The following DIAPH2 variants were observed in gnomAD, a reference collection of about 807,000 sequenced individuals.
DIAPH2 encodes the protein diaphanous related formin 2.
Under a neutral mutation model 92.7 loss-of-function variants are expected in DIAPH2, and 35 were observed. The ratio of observed to expected loss-of-function variants is 0.38; its 90% CI spans 0.29 to 0.50. DIAPH2 has a LOEUF of 0.50. DIAPH2 is among the 20% of genes least tolerant of loss of function. DIAPH2 has a pLI of 0.94. For synonymous variants in DIAPH2, 301 were observed against 280.4 expected (o/e 1.07, Z -0.73); for missense variants, 701 against 819.5 (o/e 0.86, Z 1.77).
intron 19 of DIAPH2, among the ~76,000 whole-genome samples, chrX:97,083,836 T>C (rs1458776784): frequency 8.9e-6 from 1 of 112,094 alleles, no homozygotes; most frequent in African/African-American, 3.2e-5. Context: ...AATGATACCA[T>C]ACATTTACAA....
At chrX:96,733,430 G>A (rs1189519749) in intron 1 of DIAPH2, among the ~76,000 whole-genome samples, 1 of 111,042 alleles carries the variant, frequency 9.0e-6, no homozygotes, top group Non-Finnish European at 1.9e-5. Context: ...TTGCCTCATT[G>A]GGGAGCCGTG....
In DIAPH2 at chrX:97,426,357, C is replaced by T. The variant is rs187533907; in HGVS notation, c.3146-3293C>T. The stretch of plus-strand genomic sequence containing the variant: ...TGGATGGAGTGCAGTGGCGTGATCT[C>T]GGCTCACCACAACCTCCACCTCCCA... On this transcript the variant is annotated intron_variant, in intron 25 of 26. Transcript: ENST00000324765. Among the ~76,000 whole-genome samples the T allele has an allele frequency of 2.9e-3, 316 of 108,235 alleles. 1 individual carries two copies. Among genetic ancestry groups the T allele is most frequent in the African/African-American group, 8.6e-3 (255 of 29,645 alleles). 94.0% of individuals were successfully genotyped at this position (108,235 alleles called of 115,157 possible).
chrX:97,214,355 C>T (rs1445038393), intron 22 of DIAPH2, among the ~76,000 whole-genome samples: 1 of 110,957 alleles, frequency 9.0e-6, no homozygotes, highest in Non-Finnish European at 1.9e-5. Flanking sequence ...TCTACTCCCA[C>T]CTACTCAGGA....
intron 5 of DIAPH2, among the ~76,000 whole-genome samples, chrX:96,896,513 C>A (rs1054404877): frequency 2.7e-5 from 3 of 111,591 alleles, no homozygotes; most frequent in African/African-American, 9.7e-5. Context: ...ATTTCACAAC[C>A]AGAAAAGCTA....
intron 4 of DIAPH2, among the ~76,000 whole-genome samples, chrX:96,851,927 G>A (rs2065008538): frequency 8.9e-6 from 1 of 111,984 alleles, no homozygotes; most frequent in African/African-American, 3.2e-5. Flanking sequence ...TATATTGTAA[G>A]AATTCCACTG....
chrX:97,108,012 C>T (rs1007221121), intron 20 of DIAPH2, among the ~76,000 whole-genome samples: 5 of 109,554 alleles, frequency 4.6e-5, no homozygotes, highest in Middle Eastern at 4.7e-3. Context: ...TTTCCTTTCT[C>T]GGTGGATTCG....
At chrX:97,228,923 C>A (rs2067986804) in intron 22 of DIAPH2, among the ~76,000 whole-genome samples, 1 of 111,591 alleles carries the variant, frequency 9.0e-6, no homozygotes, top group Admixed American at 9.6e-5. Context: ...ATAACCCATG[C>A]CACAGAGAGA....
chrX:97,096,618 A>G (rs971931433), intron 19 of DIAPH2, among the ~76,000 whole-genome samples: 2 of 111,377 alleles, frequency 1.8e-5, no homozygotes, highest in African/African-American at 6.5e-5. Context: ...GAAGCCTTCT[A>G]GGTGCCAAGG....
chrX:97,313,587 T>A (rs1254106988), intron 23 of DIAPH2, among the ~76,000 whole-genome samples: 9 of 111,747 alleles, frequency 8.1e-5, no homozygotes, highest in Non-Finnish European at 1.3e-4. Context: ...ATTGTCTTTA[T>A]GTTCTGTGAT....
intron 4 of DIAPH2, among the ~76,000 whole-genome samples, chrX:96,850,999 A>G (rs1052392375): frequency 2.7e-5 from 3 of 112,047 alleles, no homozygotes; most frequent in Non-Finnish European, 5.6e-5. Context: ...AGTGAGGTAC[A>G]ATGATAATTG....
chrX:96,981,487 TCAAAA>T (rs1319820725), intron 17 of DIAPH2, among the ~76,000 whole-genome samples: 1 of 112,336 alleles, frequency 8.9e-6, no homozygotes, highest in Non-Finnish European at 1.9e-5. Flanking sequence ...TATCACAGAT[TCAAAA>T]CAAACTGACA....
chrX:97,127,593 G>A lies in DIAPH2; in HGVS notation c.2589+12628G>A, dbSNP rs188736036. ...TCTTAAAGCATCTTCTTAGGACTTT[G>A]TTTGTTGTATTGTTATTTTGTTAGA... On this transcript the variant is annotated intron_variant, in intron 21 of 26. Transcript: ENST00000324765. Among the ~76,000 whole-genome samples, 94 of 112,604 alleles carry A rather than the reference G, an allele frequency of 8.3e-4. 1 individual carries two copies. The highest frequency in any genetic ancestry group is 2.2e-3 in the African/African-American group (69 of 31,063).
chrX:97,262,658 C>T (rs978638693), intron 23 of DIAPH2, among the ~76,000 whole-genome samples: 3 of 111,438 alleles, frequency 2.7e-5, no homozygotes, highest in African/African-American at 9.8e-5. Context: ...AAGTTTGAGA[C>T]GCCTATTAGG....
intron 17 of DIAPH2, among the ~76,000 whole-genome samples, chrX:97,025,686 CAAAA>C (rs926927909): frequency 9.2e-6 from 1 of 109,149 alleles, no homozygotes; most frequent in African/African-American, 3.3e-5. Context: ...AACAAAAAAA[CAAAA>C]AAAAAGTTAC....
Position 97,072,996 on chromosome X carries a change from A to G in DIAPH2, c.2106A>G (p.Lys702=), listed in dbSNP as rs746653304. The change falls in exon 18 of 27, where the codon AAA becomes AAG. Residue 702 remains lysine, a synonymous_variant. Transcript: ENST00000324765. ...EEKKTGPTKK[K]VKELRILDPK... ...AGAAGACTGGGCCTACAAAGAAGAAAGTGAAAGAACTGAGAATTTTGGATC... is the reference window on the plus strand; with the variant it reads ...AGAAGACTGGGCCTACAAAGAAGAAGGTGAAAGAACTGAGAATTTTGGATC... 29 of 1,202,653 alleles carry G rather than the reference A, an allele frequency of 2.4e-5. No homozygotes were observed. The highest frequency in any genetic ancestry group is 3.2e-5 in the Non-Finnish European group (29 of 892,790).
At chrX:96,966,605 G>A (rs2065895047) in intron 17 of DIAPH2, among the ~76,000 whole-genome samples, 8 of 111,894 alleles carry the variant, frequency 7.1e-5, no homozygotes, top group Admixed American at 4.7e-4. Context: ...GTAGGTGCTT[G>A]TGTTTATCTA....
chrX:96,962,310 TAC>T (rs1556310044), intron 16 of DIAPH2, among the ~76,000 whole-genome samples: 1 of 37,565 alleles, frequency 2.7e-5, no homozygotes, highest in Admixed American at 2.7e-4. Flanking sequence ...CATATATATA[TAC>T]ATATATATAT....
intron 24 of DIAPH2, among the ~76,000 whole-genome samples, chrX:97,381,963 G>T (rs975430532): frequency 5.4e-5 from 6 of 110,654 alleles, no homozygotes; most frequent in African/African-American, 1.6e-4. Context: ...GGAGCACTCA[G>T]CATGTAAACA....
chrX:96,980,585 A>G (rs935243424), intron 17 of DIAPH2, among the ~76,000 whole-genome samples: 1 of 110,538 alleles, frequency 9.0e-6, no homozygotes, highest in African/African-American at 3.3e-5. Flanking sequence ...TTGAAGGTGG[A>G]GCCCTCGCCA....
Sources: allele counts gnomAD v4.1 joint callset (sites outside exome capture counted in the v4.1 genomes callset), GRCh38; gene constraint gnomAD v4.1.1; transcripts MANE v1.5; gene names NCBI Gene and HGNC (gene_info 2026-07-23, HGNC 2026-07-21).